RBM19: variants seen among roughly 807,000 people sequenced by gnomAD.
RBM19 encodes the protein probable RNA-binding protein 19.
Under a neutral mutation model 116.8 loss-of-function variants are expected in RBM19, and 94 were observed. The observed-to-expected ratio is 0.80, with a 90% CI of 0.68 to 0.95. RBM19 has a LOEUF of 0.95. Ranked by LOEUF, RBM19 falls within the 40% of genes least tolerant of loss-of-function variation. The pLI, the probability that RBM19 is intolerant of heterozygous loss-of-function variation, is 0.00. For synonymous variants in RBM19, 475 were observed against 494.1 expected (o/e 0.96, Z 0.51); for missense variants, 1,161 against 1,220.7 (o/e 0.95, Z 0.73).
At position 113,840,795 on chromosome 12, in the gene RBM19, T is replaced by A. The variant is rs945535721; in HGVS notation, c.2785+3873A>T. Among the ~76,000 whole-genome samples the A allele has an allele frequency of 2.0e-5, 3 of 152,208 alleles. No individual in the cohort carries two copies. In the South Asian group the frequency reaches 6.2e-4, roughly 31 times the overall value. ...TCCTGTCCTCACTGGACCCCAGGAA[T>A]ATCACTTCCTCCCCCTGCCCTTTCA... On this transcript the variant is annotated intron_variant, in intron 23 of 23. Coordinates refer to ENST00000261741, the MANE Select transcript of RBM19 (RefSeq NM_016196.4).
At position 113,931,978 on chromosome 12, in the gene RBM19, T is replaced by A. The variant is rs555592937; in HGVS notation, c.2069-4749A>T. Among the ~76,000 whole-genome samples the A allele has an allele frequency of 6.6e-5, 10 of 152,370 alleles. No individual in the cohort carries two copies. In the East Asian group the frequency reaches 1.9e-3, roughly 29 times the overall value. The stretch of plus-strand genomic sequence containing the variant: ...CGAGACAGGACCCAGTCTGACTCAG[T>A]TGGCACTGAATCTCCAGCACTGGGC... On this transcript the variant is annotated intron_variant, in intron 16 of 23. Transcript: ENST00000261741.
chr12:113,866,180 TG>T (rs1878795731), intron 21 of RBM19, among the ~76,000 whole-genome samples: 1 of 152,208 alleles, frequency 6.6e-6, no homozygotes, highest in Non-Finnish European at 1.5e-5. Flanking sequence ...CCTTTTAGAC[TG>T]AACTTCTCCA....
intron 23 of RBM19, among the ~76,000 whole-genome samples, chr12:113,840,434 GGGAAAACATAACCCCTACCTCT>G (rs1876361695): frequency 6.6e-6 from 1 of 152,170 alleles, no homozygotes; most frequent in Non-Finnish European, 1.5e-5. Context: ...TCCTGCCCCC[GGGAAAACATAACCCCTACCTCT>G]GGCAACATGC....
chr12:113,829,656 G>A (rs1053747124), intron 23 of RBM19, among the ~76,000 whole-genome samples: 7 of 152,232 alleles, frequency 4.6e-5, no homozygotes, highest in Non-Finnish European at 8.8e-5. Context: ...TGGGACCTGA[G>A]TGCTGCCACT....
In RBM19 at chr12:113,915,022, C is replaced by T. The variant is rs749292797; in HGVS notation, c.2505G>A (p.Leu835=). Residue 835 remains leucine, a synonymous_variant, in exon 21 of 24, where the codon CTG becomes CTA. Coordinates refer to ENST00000261741, the MANE Select transcript of RBM19 (RefSeq NM_016196.4). ...VPRKQTTSKI[L]VRNIPFQAHS... is the part of the protein sequence containing the mutation. ...GGGCCTGGAAGGGGATGTTCCGCACCAGGATCTTGGAGGTGGTCTGCTTTC... is the reference window on the plus strand; with the variant it reads ...GGGCCTGGAAGGGGATGTTCCGCACTAGGATCTTGGAGGTGGTCTGCTTTC... 2 of 1,614,218 alleles carry T rather than the reference C, an allele frequency of 1.2e-6. No individual in the cohort carries two copies. The highest frequency in any genetic ancestry group is 1.7e-5 in the Admixed American group (1 of 60,028).
In RBM19 at chr12:113,920,771, G is replaced by C. The variant is rs1868473991; in HGVS notation, c.2306-81C>G. The C allele has an allele frequency of 4.9e-6, 6 of 1,229,180 alleles. No individual in the cohort carries two copies. In the Admixed American group the frequency reaches 6.9e-5, roughly 14 times the overall value. The allele number at this position is 1,229,180 out of a possible 1,614,324, so 76.1% of individuals were successfully genotyped here. On this transcript the variant is annotated intron_variant, in intron 18 of 23. Coordinates refer to ENST00000261741, the MANE Select transcript of RBM19 (RefSeq NM_016196.4). ...GTGCAAGGGCTGTGACGGGCCCCCA[G>C]ACCTGCGCTGTATTTCCTCTTCTTT...
intron 21 of RBM19, among the ~76,000 whole-genome samples, chr12:113,868,696 G>A (rs895797140): frequency 1.3e-5 from 2 of 152,216 alleles, no homozygotes; most frequent in African/African-American, 4.8e-5. Flanking sequence ...GGTACGATAT[G>A]GGAGAGGAGA....
At chr12:113,862,730 T>G (rs1433536578) in intron 21 of RBM19, among the ~76,000 whole-genome samples, 1 of 152,088 alleles carries the variant, frequency 6.6e-6, no homozygotes, top group Non-Finnish European at 1.5e-5. Context: ...ACTCTGCCGC[T>G]CGGGGGGAAG....
chr12:113,946,481 T>C lies in RBM19; in HGVS notation c.1408-6A>G, dbSNP rs771487068. 7.4e-6 allele frequency: 12 copies of C among 1,613,992 alleles called. No homozygotes were observed. The East Asian group carries it at 1.6e-4, about 21-fold the overall frequency. Reference sequence around the variant, plus strand: ...AACACGTGGAGCATCCTGCCCTGGATGGGAATGACGGGAAGGGAGTAAACA... The same window carrying C: ...AACACGTGGAGCATCCTGCCCTGGACGGGAATGACGGGAAGGGAGTAAACA... On this transcript the variant is annotated splice_polypyrimidine_tract_variant and splice_region_variant and intron_variant, in intron 11 of 23. Coordinates refer to ENST00000261741, the MANE Select transcript of RBM19 (RefSeq NM_016196.4).
At chr12:113,909,717 G>A (rs529584140) in intron 21 of RBM19, among the ~76,000 whole-genome samples, 14 of 152,186 alleles carry the variant, frequency 9.2e-5, no homozygotes, top group Admixed American at 4.6e-4. Flanking sequence ...CAGGCTAAGC[G>A]TGAGCCACCC....
intron 13 of RBM19, among the ~76,000 whole-genome samples, 181 bp from the exon 14 acceptor site, chr12:113,942,615 A>G (rs1160902957): frequency 3.8e-5 from 4 of 106,104 alleles, no homozygotes; most frequent in African/African-American, 2.0e-4. Context: ...TTTTTTTTTT[A>G]AGAAGGACAG....
intron 21 of RBM19, among the ~76,000 whole-genome samples, chr12:113,864,966 A>G (rs1203670599): frequency 6.6e-6 from 1 of 152,160 alleles, no homozygotes; most frequent in African/African-American, 2.4e-5. Context: ...CCATTCCCAC[A>G]GTGGGTTTCA....
At chr12:113,858,508 C>T (rs899425331) in intron 22 of RBM19, among the ~76,000 whole-genome samples, 1 of 152,156 alleles carries the variant, frequency 6.6e-6, no homozygotes, top group Non-Finnish European at 1.5e-5. Context: ...CGTGGAGAGG[C>T]CTGGGAAACC....
chr12:113,832,311 T>G (rs1221263988), intron 23 of RBM19, among the ~76,000 whole-genome samples: 2 of 152,028 alleles, frequency 1.3e-5, no homozygotes, highest in African/African-American at 4.8e-5. Context: ...TGCCTCAGCC[T>G]CCTGAGTAGC....
chr12:113,859,733 A>C (rs935359526), intron 21 of RBM19, among the ~76,000 whole-genome samples: 1 of 152,180 alleles, frequency 6.6e-6, no homozygotes, highest in African/African-American at 2.4e-5. Flanking sequence ...TCTAATGTCC[A>C]TTTATCAAAT....
At chr12:113,835,641 C>T (rs1875811995) in intron 23 of RBM19, among the ~76,000 whole-genome samples, 1 of 152,200 alleles carries the variant, frequency 6.6e-6, no homozygotes, top group Admixed American at 6.5e-5. Flanking sequence ...GCCGGCGACC[C>T]ATGGGGACAG....
chr12:113,915,231 G>A (rs1882702901), intron 20 of RBM19, 146 bp from the exon 21 acceptor site: 2 of 698,402 alleles, frequency 2.9e-6, no homozygotes, highest in African/African-American at 1.8e-5. Flanking sequence ...GAAAGGAGAG[G>A]AAGGCCGTCT....
rs1211991651 is a variant in RBM19, at chr12:113,858,807, G to T, written c.2648C>A (p.Thr883Asn). The change falls in exon 22 of 24, where the codon ACC becomes AAC. Residue 883 changes from threonine (T) to asparagine (N), a missense_variant. Coordinates refer to ENST00000261741, the MANE Select transcript of RBM19 (RefSeq NM_016196.4). ...HRGFGFVDFL[T>N]KQDAKRAFNA... ...CGGTCTCACCTTCGCATCCTGCTTG[G>T]TGAGGAAGTCCACAAAGCCGAAGCC... 1 of 1,614,012 alleles carries T rather than the reference G, an allele frequency of 6.2e-7. No individual in the cohort carries two copies. Among genetic ancestry groups the T allele is most frequent in the Non-Finnish European group, 8.5e-7 (1 of 1,180,042 alleles).
chr12:113,820,371 G>A (rs1163069385), downstream of RBM19, among the ~76,000 whole-genome samples: 4 of 152,054 alleles, frequency 2.6e-5, no homozygotes, highest in Non-Finnish European at 5.9e-5. Flanking sequence ...AAGGCGCCAC[G>A]CAGGAAGAAT....
Sources: gnomAD v4.1 joint callset for allele counts (sites outside exome capture counted in the v4.1 genomes callset) on GRCh38, gnomAD v4.1.1 for gene constraint, MANE v1.5 for transcripts, NCBI Gene and HGNC (gene_info 2026-07-23, HGNC 2026-07-21) for gene names.